The following DOCK10 variants were observed in gnomAD, a reference collection of about 807,000 sequenced individuals.
DOCK10 encodes dedicator of cytokinesis 10, also known as dedicator of cytokinesis protein 10.
DOCK10 carries 145 observed loss-of-function variants against 280.1 expected under a neutral mutation model. The ratio of observed to expected loss-of-function variants is 0.52; its 90% confidence interval spans 0.45 to 0.59. The LOEUF (loss-of-function observed/expected upper bound fraction) is 0.59, where lower values mean the gene tolerates loss of function less well. Ranked by LOEUF, DOCK10 falls within the 20% of genes least tolerant of loss-of-function variation. The pLI is 0.00. For missense variants in DOCK10, 2,368 were observed against 2,651.7 expected (o/e 0.89, Z 2.35); for synonymous variants, 915 against 942.2 (o/e 0.97, Z 0.53).
chr2:224,848,730 A>G (rs1158945147), intron 19 of DOCK10, among the ~76,000 whole-genome samples: 7 of 152,176 alleles, frequency 4.6e-5, no homozygotes, highest in Non-Finnish European at 8.8e-5. Context: ...GTTCCCTGTC[A>G]TGTTTAGAGA....
chr2:224,918,861 C>T (rs62647508), intron 2 of DOCK10, among the ~76,000 whole-genome samples: 4 of 117,996 alleles, frequency 3.4e-5, no homozygotes, highest in African/African-American at 1.1e-4. Context: ...GTGTGTGTGG[C>T]GTGTGTGAGT....
chr2:224,916,266 C>A (rs12470482), intron 3 of DOCK10, among the ~76,000 whole-genome samples: 1 of 152,222 alleles, frequency 6.6e-6, no homozygotes, highest in African/African-American at 2.4e-5. Flanking sequence ...CATGGCCGGA[C>A]GCGGTGGCTC....
At chr2:224,792,184 ATG>A (rs1017079453) in intron 47 of DOCK10, among the ~76,000 whole-genome samples, 2 of 152,226 alleles carry the variant, frequency 1.3e-5, no homozygotes, top group African/African-American at 2.4e-5. Context: ...CATAAGCCAT[ATG>A]TTATAAATTG....
intron 11 of DOCK10, among the ~76,000 whole-genome samples, chr2:224,870,126 T>C (rs901176728): frequency 2.0e-5 from 3 of 152,170 alleles, no homozygotes; most frequent in African/African-American, 7.2e-5. Flanking sequence ...CTCATGATAG[T>C]GAGTGAGTTC....
chr2:224,843,047 G>A (rs1696075586), intron 22 of DOCK10, among the ~76,000 whole-genome samples: 1 of 152,160 alleles, frequency 6.6e-6, no homozygotes, highest in African/African-American at 2.4e-5. Flanking sequence ...CCTGCAATAT[G>A]GTTTGTAATA....
At chr2:224,911,770 T>C (rs1008552724) in intron 3 of DOCK10, among the ~76,000 whole-genome samples, 1 of 152,132 alleles carries the variant, frequency 6.6e-6, no homozygotes, top group African/African-American at 2.4e-5. Flanking sequence ...AAATGCCGTA[T>C]ACACCCCCAA....
chr2:224,797,035 G>A lies in DOCK10; in HGVS notation c.4756C>T (p.Leu1586Phe), dbSNP rs372869147. 2.1e-5 allele frequency: 34 copies of A among 1,613,524 alleles called. No homozygotes were observed. Among genetic ancestry groups the A allele is most frequent in the African/African-American group, 2.7e-5 (2 of 74,866 alleles). The change falls in exon 43 of 56, where the codon CTT (leucine) becomes TTT (phenylalanine). Residue 1586 changes from leucine to phenylalanine, a missense_variant. By Grantham distance (22) the Leu-to-Phe change is conservative. Coordinates refer to ENST00000258390, the MANE Select transcript of DOCK10 (RefSeq NM_014689.3). ...SRSTQTEASA[L>F]LYFFMRKNFE... ...TTCTTCCTCATGAAAAAGTACAGAA[G>A]GGCTGAGGCTTCTGTCTGAGTTGAC...
At chr2:224,920,471 T>C (rs1010013343) in intron 2 of DOCK10, among the ~76,000 whole-genome samples, 1 of 152,136 alleles carries the variant, frequency 6.6e-6, no homozygotes, top group Non-Finnish European at 1.5e-5. Flanking sequence ...ATAAACTATA[T>C]TGAAGTTTTG....
In DOCK10 at chr2:225,027,298, C is replaced by T. The variant is rs937298207; in HGVS notation, c.123+14954G>A. Among the ~76,000 whole-genome samples the T allele has an allele frequency of 5.3e-5, 8 of 152,178 alleles. No individual in the cohort carries two copies. In the East Asian group the frequency reaches 5.8e-4, roughly 11 times the overall value. ...CAGTGAGATCATTCTGAGATGTTCA[C>T]GCCCAGGCACAGGAGCACAGAGGCA... On this transcript the variant is annotated intron_variant, in intron 1 of 55. Transcript: ENST00000258390.
chr2:224,912,533 A>G (rs897391479), intron 3 of DOCK10, among the ~76,000 whole-genome samples: 1 of 152,234 alleles, frequency 6.6e-6, no homozygotes, highest in Non-Finnish European at 1.5e-5. Flanking sequence ...AGAGAATTAT[A>G]TAAGTTGAAA....
intron 26 of DOCK10, among the ~76,000 whole-genome samples, chr2:224,830,975 C>T (rs1248025218): frequency 7.2e-6 from 1 of 139,566 alleles, no homozygotes; most frequent in Non-Finnish European, 1.6e-5. Context: ...CACTCTGTTG[C>T]CAGGCTGGAG....
At chr2:224,778,492 T>A (rs1403549414) in intron 50 of DOCK10, 1 of 614,814 alleles carries the variant, frequency 1.6e-6, no homozygotes, top group Admixed American at 2.7e-5. Flanking sequence ...ATGTAAATAT[T>A]TCCTAGCCAG....
intron 11 of DOCK10, 93 bp downstream of exon 11, chr2:224,873,903 A>G (rs370478618): frequency 1.5e-6 from 2 of 1,308,124 alleles, no homozygotes; most frequent in Non-Finnish European, 2.1e-6. Flanking sequence ...GTGAGAAATC[A>G]GTGCCTGGAA....
At chr2:224,987,339 T>C (rs1706001544) in intron 1 of DOCK10, among the ~76,000 whole-genome samples, 1 of 152,174 alleles carries the variant, frequency 6.6e-6, no homozygotes, top group Non-Finnish European at 1.5e-5. Flanking sequence ...ATGGCAGCCA[T>C]TGCTCACAAC....
rs975296800 is a variant in DOCK10, at chr2:224,804,227, G to A, written c.4167-14C>T. On this transcript the variant is annotated splice_polypyrimidine_tract_variant and intron_variant, in intron 38 of 55. Transcript: ENST00000258390. ...GCAGCAATTTTTCTGCAATGAAAATGGAAGTTTTAATCATAGCTCAGTGTT... is the reference window on the plus strand; with the variant it reads ...GCAGCAATTTTTCTGCAATGAAAATAGAAGTTTTAATCATAGCTCAGTGTT... 22 of 1,554,734 alleles carry A rather than the reference G, an allele frequency of 1.4e-5. No homozygotes were observed. Among genetic ancestry groups the A allele is most frequent in the Non-Finnish European group, 1.7e-5 (19 of 1,131,108 alleles).
intron 28 of DOCK10, among the ~76,000 whole-genome samples, chr2:224,821,590 G>A (rs1694507848): frequency 6.6e-6 from 1 of 151,438 alleles, no homozygotes; most frequent in East Asian, 1.9e-4. Context: ...AATATTATGT[G>A]TCAAATAAAT....
chr2:225,036,937 G>A lies in DOCK10; in HGVS notation c.123+5315C>T, dbSNP rs1215885653. On this transcript the variant is annotated intron_variant, in intron 1 of 55. Transcript: ENST00000258390. ...TTTCTGGCTAATATTACTTTTCACT[G>A]CCCTTACTATATTTTGTTGTTGTCA... Among the ~76,000 whole-genome samples the A allele has an allele frequency of 5.4e-5, 8 of 149,056 alleles. No homozygotes were observed. The East Asian group carries it at 1.2e-3, about 22-fold the overall frequency.
In DOCK10 at chr2:224,852,432, A is replaced by T. The variant is rs1696807120; in HGVS notation, c.2087T>A (p.Ile696Lys). ...ATTTTTGAATTCAATGCACACAGTT[A>T]TATTCCGTGCCTGAAATTACGGAGA... Reference protein sequence around the residue: ...SQKCFNKARNITVCIEFKNSD... With the variant: ...SQKCFNKARNKTVCIEFKNSD... Residue 696 changes from isoleucine (I) to lysine (K), a missense_variant, in exon 18 of 56, where the codon ATA (isoleucine) becomes AAA (lysine). Transcript: ENST00000258390. 1 of 1,564,544 alleles carries T rather than the reference A, an allele frequency of 6.4e-7. No individual in the cohort carries two copies.
chr2:224,932,067 G>C (rs1702416812), intron 1 of DOCK10, among the ~76,000 whole-genome samples: 1 of 152,120 alleles, frequency 6.6e-6, no homozygotes, highest in Admixed American at 6.5e-5. Flanking sequence ...ACTTCCTCAT[G>C]AGTTCTGTTG....
Sources: allele counts gnomAD v4.1 joint callset (sites outside exome capture counted in the v4.1 genomes callset), GRCh38; gene constraint gnomAD v4.1.1; transcripts MANE v1.5; gene names NCBI Gene and HGNC (gene_info 2026-07-23, HGNC 2026-07-21).